CHCHD3: variants seen among roughly 807,000 people sequenced by gnomAD.
CHCHD3 encodes the protein MICOS complex subunit MIC19.
Under a neutral mutation model 38.2 loss-of-function variants are expected in CHCHD3, and 20 were observed. That is an observed-to-expected ratio of 0.52 (90% CI 0.37 to 0.76). CHCHD3 has a LOEUF of 0.76. Ranked by LOEUF, CHCHD3 falls within the 30% of genes least tolerant of loss-of-function variation. The pLI is 0.00. For missense variants in CHCHD3, 245 were observed against 279.2 expected (o/e 0.88, Z 0.87); for synonymous variants, 82 against 100.0 (o/e 0.82, Z 1.07).
At chr7:133,056,462 C>T (rs1683278288) in intron 2 of CHCHD3, among the ~76,000 whole-genome samples, 1 of 152,154 alleles carries the variant, frequency 6.6e-6, no homozygotes, top group Non-Finnish European at 1.5e-5. Flanking sequence ...AACATCATCA[C>T]CACCCCTTTC....
intron 5 of CHCHD3, among the ~76,000 whole-genome samples, chr7:132,869,202 C>T (rs1808705849): frequency 6.6e-6 from 1 of 152,164 alleles, no homozygotes; most frequent in African/African-American, 2.4e-5. Context: ...CCACAGTCCC[C>T]ACACCCTGGC....
At chr7:132,875,770 A>C (rs1031632568) in intron 5 of CHCHD3, among the ~76,000 whole-genome samples, 1 of 152,232 alleles carries the variant, frequency 6.6e-6, no homozygotes, top group Non-Finnish European at 1.5e-5. Context: ...AGTCCCCAAA[A>C]TTCTGATAAG....
intron 4 of CHCHD3, among the ~76,000 whole-genome samples, chr7:132,893,996 G>C (rs1431467502): frequency 6.6e-6 from 1 of 152,174 alleles, no homozygotes; most frequent in Non-Finnish European, 1.5e-5. Context: ...TAAGAATGCA[G>C]AGCCAAAAAT....
chr7:132,884,675 A>C (rs1250769926), intron 5 of CHCHD3, among the ~76,000 whole-genome samples: 1 of 152,188 alleles, frequency 6.6e-6, no homozygotes, highest in African/African-American at 2.4e-5. Flanking sequence ...CAAAAGAGAG[A>C]GAGCTTACTC....
chr7:133,020,096 CA>C (rs1813137670), intron 3 of CHCHD3, among the ~76,000 whole-genome samples: 1 of 151,868 alleles, frequency 6.6e-6, no homozygotes, highest in African/African-American at 2.4e-5. Context: ...AAATTAGACC[CA>C]AAAATTTTCG....
chr7:132,809,737 C>T (rs181904284), intron 6 of CHCHD3, among the ~76,000 whole-genome samples: 2 of 152,260 alleles, frequency 1.3e-5, no homozygotes, highest in East Asian at 1.9e-4. Context: ...AGCCGAAGAG[C>T]GCAACTGCAC....
chr7:132,921,176 A>G (rs1425029156), intron 4 of CHCHD3, among the ~76,000 whole-genome samples: 1 of 152,222 alleles, frequency 6.6e-6, no homozygotes, highest in Non-Finnish European at 1.5e-5. Context: ...CTCTTTTATT[A>G]TATTTGAGTA....
intron 4 of CHCHD3, among the ~76,000 whole-genome samples, chr7:132,930,156 A>G (rs979695359): frequency 7.5e-6 from 1 of 133,710 alleles, no homozygotes; most frequent in Non-Finnish European, 1.6e-5. Context: ...TTAACCTCCC[A>G]CTCCTAATTT....
At chr7:132,822,016 C>T (rs894767658) in intron 6 of CHCHD3, among the ~76,000 whole-genome samples, 23 of 152,190 alleles carry the variant, frequency 1.5e-4, no homozygotes, top group African/African-American at 5.5e-4. Flanking sequence ...CCCGCCTCGG[C>T]CTCTTTTAAA....
At position 132,986,455 on chromosome 7, in the gene CHCHD3, A is replaced by C. The variant is rs1183839272; in HGVS notation, c.252-11169T>G. On this transcript the variant is annotated intron_variant, in intron 3 of 7. Coordinates refer to ENST00000262570, the MANE Select transcript of CHCHD3 (RefSeq NM_017812.4). ...AAAAAAAAAAGAAAATACAACTTCT[A>C]TATGAGTGCTGGATTGCTAAGAAAG... 2.0e-5 allele frequency among the ~76,000 whole-genome samples: 3 copies of C among 152,020 alleles called. No individual in the cohort carries two copies. In the East Asian group the frequency reaches 5.8e-4, roughly 29 times the overall value.
Position 132,870,324 on chromosome 7 carries a change from T to TGG in CHCHD3, c.453+15336_453+15337dup, listed in dbSNP as rs1808735303. Among the ~76,000 whole-genome samples the TGG allele has an allele frequency of 2.1e-5, 3 of 139,910 alleles. No homozygotes were observed. In the Admixed American group the frequency reaches 2.4e-4, roughly 11 times the overall value. 91.8% of individuals were successfully genotyped at this position (139,910 alleles called of 152,430 possible). On this transcript the variant is annotated intron_variant, in intron 5 of 7. Transcript: ENST00000262570. ...GAGATCACGCCACTGTACTCCAGCCTGGGTGACACTGCGAGACCTATCTCA... is the reference window on the plus strand; with the variant it reads ...GAGATCACGCCACTGTACTCCAGCCTGGGGGTGACACTGCGAGACCTATCTCA...
At position 132,788,370 on chromosome 7, in the gene CHCHD3, T is replaced by A. The variant is rs938079015; in HGVS notation, c.661-2710A>T. Among the ~76,000 whole-genome samples the A allele has an allele frequency of 6.6e-6, 1 of 152,180 alleles. No homozygotes were observed. Among genetic ancestry groups the A allele is most frequent in the Non-Finnish European group, 1.5e-5 (1 of 68,038 alleles). On this transcript the variant is annotated intron_variant, in intron 7 of 7. Transcript: ENST00000262570. This position sits in a 1 kb window ranked among gnomAD's most constrained non-coding sequence, Gnocchi z 4.0. ...GAGCTTTGAGTTGTCATCTGCCTGG[T>A]CAAGATTACATAGCTGTACCCCTCT... is the stretch of plus-strand genomic sequence containing the variant.
chr7:133,071,254 G>A (rs952092537), intron 1 of CHCHD3, among the ~76,000 whole-genome samples: 2 of 152,112 alleles, frequency 1.3e-5, no homozygotes, highest in South Asian at 2.1e-4. Flanking sequence ...CTGTCCTATC[G>A]CTATACTCCC....
chr7:132,881,515 G>A (rs1809056444), intron 5 of CHCHD3, among the ~76,000 whole-genome samples: 1 of 152,076 alleles, frequency 6.6e-6, no homozygotes. Context: ...GGTTATCTCA[G>A]GAATCTCCCT....
At chr7:132,890,252 T>C in intron 4 of CHCHD3, among the ~76,000 whole-genome samples, 1 of 152,220 alleles carries the variant, frequency 6.6e-6, no homozygotes, top group Non-Finnish European at 1.5e-5. Flanking sequence ...TACGTATGTT[T>C]ACTTCCTTAA....
At chr7:132,957,898 A>G (rs1811222317) in intron 4 of CHCHD3, among the ~76,000 whole-genome samples, 1 of 152,218 alleles carries the variant, frequency 6.6e-6, no homozygotes, top group African/African-American at 2.4e-5. Flanking sequence ...ATTACTCTGG[A>G]TGAACTTAGT....
At chr7:132,866,424 A>T (rs2117141578) in intron 5 of CHCHD3, among the ~76,000 whole-genome samples, 1 of 152,340 alleles carries the variant, frequency 6.6e-6, no homozygotes, top group Non-Finnish European at 1.5e-5. Context: ...GTAACTCAGC[A>T]TTGCAGTGCT....
intron 3 of CHCHD3, among the ~76,000 whole-genome samples, chr7:133,003,649 A>C (rs1300193472): frequency 6.6e-6 from 1 of 152,134 alleles, no homozygotes; most frequent in South Asian, 2.1e-4. Flanking sequence ...TACAGTTGCC[A>C]TGTTCAAATT....
Position 132,945,906 on chromosome 7 carries a change from A to C in CHCHD3, c.369+29263T>G, listed in dbSNP as rs866989054. On this transcript the variant is annotated intron_variant, in intron 4 of 7. Coordinates refer to ENST00000262570, the MANE Select transcript of CHCHD3 (RefSeq NM_017812.4). ...AGCAATTATGCTCATGAACATGAGA[A>C]ATTCTATGAAGCATAATCTTCAGAG... Among the ~76,000 whole-genome samples the C allele has an allele frequency of 9.5e-3, 1,449 of 152,028 alleles. 25 individuals carry two copies. Among genetic ancestry groups the C allele is most frequent in the African/African-American group, 0.033 (1,363 of 41,536 alleles).
Sources: allele counts gnomAD v4.1 joint callset (sites outside exome capture counted in the v4.1 genomes callset), GRCh38; gene constraint gnomAD v4.1.1; non-coding constraint Gnocchi (gnomAD v3.1); transcripts MANE v1.5; gene names NCBI Gene and HGNC (gene_info 2026-07-23, HGNC 2026-07-21).